MANBA: variants seen among roughly 807,000 people sequenced by gnomAD.
The protein encoded by MANBA is beta-mannosidase.
MANBA carries 83 observed loss-of-function variants against 111.1 expected under a neutral mutation model. The ratio of observed to expected loss-of-function variants is 0.75; its 90% CI spans 0.63 to 0.90. The LOEUF is 0.90. Among genes scored for constraint, MANBA ranks in the 40% least tolerant of loss-of-function variants. MANBA has a pLI of 0.00. For synonymous variants in MANBA, 370 were observed against 378.7 expected (o/e 0.98, Z 0.27); for missense variants, 1,036 against 1,069.0 (o/e 0.97, Z 0.43).
At chr4:102,685,542 G>A (rs1444386356) in intron 7 of MANBA, among the ~76,000 whole-genome samples, 1 of 151,802 alleles carries the variant, frequency 6.6e-6, no homozygotes, top group African/African-American at 2.4e-5. Context: ...ATCCCAAAGT[G>A]AATCCATCCT....
At chr4:102,711,438 A>G (rs927558340) in intron 5 of MANBA, among the ~76,000 whole-genome samples, 1 of 152,196 alleles carries the variant, frequency 6.6e-6, no homozygotes, top group Non-Finnish European at 1.5e-5. Context: ...TAGAATGACT[A>G]TTACTGAAAA....
chr4:102,735,185 C>A (rs1452267809), intron 1 of MANBA, among the ~76,000 whole-genome samples: 1 of 152,164 alleles, frequency 6.6e-6, no homozygotes, highest in Admixed American at 6.5e-5. Context: ...CAGCAGACAG[C>A]CCAGGCCAGG....
At chr4:102,650,758 C>A in intron 12 of MANBA, 57 bp from the exon 13 acceptor site, 1 of 1,399,850 alleles carries the variant, frequency 7.1e-7, no homozygotes, top group South Asian at 1.2e-5. Flanking sequence ...AACTACTTTT[C>A]TATAAGTTCC....
intron 4 of MANBA, among the ~76,000 whole-genome samples, chr4:102,721,718 A>C (rs1223948167): frequency 6.6e-6 from 1 of 152,172 alleles, no homozygotes; most frequent in African/African-American, 2.4e-5. Flanking sequence ...TTTCTAGGGG[A>C]ATCAAACACA....
intron 2 of MANBA, among the ~76,000 whole-genome samples, chr4:102,724,763 TTGTTGAAC>T (rs1449859499): frequency 1.3e-5 from 2 of 152,132 alleles, no homozygotes; most frequent in Non-Finnish European, 2.9e-5. Flanking sequence ...GCTGGCAATA[TTGTTGAAC>T]AACTACAAGT....
chr4:102,689,390 A>G (rs531645021), intron 7 of MANBA, among the ~76,000 whole-genome samples, 184 bp downstream of exon 7: 2 of 148,370 alleles, frequency 1.3e-5, no homozygotes, highest in Admixed American at 1.3e-4. Context: ...GTGTGTGTGT[A>G]TATATATGTA....
At chr4:102,747,528 T>C (rs1361415710) in intron 1 of MANBA, among the ~76,000 whole-genome samples, 1 of 152,194 alleles carries the variant, frequency 6.6e-6, no homozygotes, top group Non-Finnish European at 1.5e-5. Flanking sequence ...TTCGTATCTT[T>C]CAATCCAATC....
At chr4:102,757,306 G>A (rs558170099) in intron 1 of MANBA, among the ~76,000 whole-genome samples, 13 of 151,448 alleles carry the variant, frequency 8.6e-5, no homozygotes, top group African/African-American at 3.2e-4. Flanking sequence ...TCCAGCCTGG[G>A]CAACAAGAGC....
chr4:102,725,753 T>C (rs548080706), intron 2 of MANBA, among the ~76,000 whole-genome samples: 5 of 152,180 alleles, frequency 3.3e-5, no homozygotes, highest in East Asian at 3.9e-4. Flanking sequence ...GGAAATGAGA[T>C]GGAAGGGGCC....
chr4:102,755,479 A>T (rs1723974679), intron 1 of MANBA, among the ~76,000 whole-genome samples: 1 of 152,242 alleles, frequency 6.6e-6, no homozygotes, highest in Non-Finnish European at 1.5e-5. Flanking sequence ...TTCAAGATGG[A>T]TTAAAGACTT....
At chr4:102,643,218 G>A (rs1256585129) in intron 13 of MANBA, among the ~76,000 whole-genome samples, 1 of 152,076 alleles carries the variant, frequency 6.6e-6, no homozygotes, top group Admixed American at 6.6e-5. Context: ...TAAAATATGT[G>A]GCTTCTGTGA....
chr4:102,719,866 A>G (rs924866574), intron 4 of MANBA, among the ~76,000 whole-genome samples: 2 of 152,214 alleles, frequency 1.3e-5, no homozygotes, highest in African/African-American at 4.8e-5. Flanking sequence ...AAATACCTAG[A>G]TGCAACTTGC....
intron 4 of MANBA, among the ~76,000 whole-genome samples, chr4:102,717,122 A>G (rs1722371297): frequency 6.6e-6 from 1 of 152,202 alleles, no homozygotes; most frequent in Non-Finnish European, 1.5e-5. Flanking sequence ...TTTCCCCATT[A>G]AGAGCTACAA....
At chr4:102,651,250 T>C (rs1730320555) in intron 12 of MANBA, among the ~76,000 whole-genome samples, 1 of 151,844 alleles carries the variant, frequency 6.6e-6, no homozygotes, top group African/African-American at 2.4e-5. Context: ...ATATGTTTAA[T>C]TTTTATATAG....
At chr4:102,690,001 G>A (rs912421595) in intron 6 of MANBA, among the ~76,000 whole-genome samples, 4 of 152,084 alleles carry the variant, frequency 2.6e-5, no homozygotes, top group African/African-American at 9.7e-5. Context: ...CTTAAAATGG[G>A]ACTCTGAAGT....
intron 14 of MANBA, 131 bp from the exon 15 acceptor site, chr4:102,636,138 G>A (rs976172599): frequency 8.9e-6 from 7 of 786,592 alleles, no homozygotes; most frequent in Non-Finnish European, 1.5e-5. Flanking sequence ...CAACAGTGGA[G>A]GGCACCCATG....
intron 12 of MANBA, among the ~76,000 whole-genome samples, chr4:102,655,996 T>G (rs1333833138): frequency 6.6e-6 from 1 of 152,184 alleles, no homozygotes; most frequent in Non-Finnish European, 1.5e-5. Context: ...CTCACACCTG[T>G]AAGCCCAGCA....
At chr4:102,689,371 T>C (rs1185942003) in intron 7 of MANBA, among the ~76,000 whole-genome samples, 1 of 92,060 alleles carries the variant, frequency 1.1e-5, no homozygotes, top group Non-Finnish European at 2.6e-5. Context: ...TATATATATA[T>C]ATATATATGT....
intron 7 of MANBA, among the ~76,000 whole-genome samples, chr4:102,677,879 G>A (rs1731794141): frequency 6.6e-6 from 1 of 152,028 alleles, no homozygotes; most frequent in South Asian, 2.1e-4. Context: ...ACAGTCATAT[G>A]TGCCATGGTT....
Sources: allele counts gnomAD v4.1 joint callset (sites outside exome capture counted in the v4.1 genomes callset), GRCh38; gene constraint gnomAD v4.1.1; transcripts MANE v1.5; gene names NCBI Gene and HGNC (gene_info 2026-07-23, HGNC 2026-07-21).